Variants in PRKN observed in about 807,000 individuals in gnomAD.
PRKN encodes the protein parkin RBR E3 ubiquitin protein ligase.
PRKN carries 56 observed loss-of-function variants against 59.5 expected under a neutral mutation model. The ratio of observed to expected loss-of-function variants is 0.94; its 90% CI spans 0.76 to 1.18. PRKN has a LOEUF of 1.18. Among genes scored for constraint, PRKN ranks in the 50% most tolerant of loss-of-function variants. PRKN has a pLI of 0.00. For missense variants in PRKN, 657 were observed against 596.4 expected (o/e 1.10, Z -1.06); for synonymous variants, 250 against 222.1 (o/e 1.13, Z -1.12).
Position 161,350,037 on chromosome 6 carries a change from A to G in PRKN, c.*62T>C. ...GTGTGTTTGAAAAGAGAATTAGAAA[A>G]TGAAGGTAGACACTGGGTATGCTCC... On this transcript the variant is annotated 3_prime_UTR_variant, in exon 12 of 12. Coordinates refer to ENST00000366898, the MANE Select transcript of PRKN (RefSeq NM_004562.3). 1 of 1,033,868 alleles carries G rather than the reference A, an allele frequency of 9.7e-7. No homozygotes were observed. Among genetic ancestry groups the G allele is most frequent in the Non-Finnish European group, 1.5e-6 (1 of 663,022 alleles). 64.0% of individuals were successfully genotyped at this position (1,033,868 alleles called of 1,614,324 possible). A position where few individuals can be genotyped will look rare whatever the true frequency, so the allele number is the denominator to read the frequency against.
intron 7 of PRKN, among the ~76,000 whole-genome samples, chr6:161,731,903 A>G (rs1273446638): frequency 2.6e-5 from 4 of 152,128 alleles, no homozygotes; most frequent in Non-Finnish European, 4.4e-5. Context: ...AGAAAGGTGT[A>G]TGTTTCAGTA....
At chr6:162,721,883 T>C (rs948020572) in intron 1 of PRKN, among the ~76,000 whole-genome samples, 1 of 152,102 alleles carries the variant, frequency 6.6e-6, no homozygotes. Context: ...TGATGAACAG[T>C]AGTTTTGAGA....
intron 4 of PRKN, among the ~76,000 whole-genome samples, chr6:162,137,559 T>C (rs1168631403): frequency 6.6e-6 from 1 of 152,162 alleles, no homozygotes; most frequent in Non-Finnish European, 1.5e-5. Flanking sequence ...ACTGGGTAAA[T>C]TAGGAACAGA....
chr6:161,598,792 T>C (rs1782008218), intron 7 of PRKN, among the ~76,000 whole-genome samples: 1 of 152,196 alleles, frequency 6.6e-6, no homozygotes, highest in Non-Finnish European at 1.5e-5. Context: ...TTTCTTTGGA[T>C]GTTGGGTGGC....
At chr6:161,903,262 A>C (rs1441053453) in intron 6 of PRKN, among the ~76,000 whole-genome samples, 1 of 152,172 alleles carries the variant, frequency 6.6e-6, no homozygotes, top group Admixed American at 6.5e-5. Flanking sequence ...AGACACTGGT[A>C]GCTTGAAGCT....
chr6:162,102,796 C>T lies in PRKN; in HGVS notation c.535-48622G>A, dbSNP rs187375552. On this transcript the variant is annotated intron_variant, in intron 4 of 11. Coordinates refer to ENST00000366898, the MANE Select transcript of PRKN (RefSeq NM_004562.3). ...CGGTGGCTCACGCCTGTAATCCCAGCACTTTGGGAGGCCGAGGCAGGCGGA... is the reference window on the plus strand; with the variant it reads ...CGGTGGCTCACGCCTGTAATCCCAGTACTTTGGGAGGCCGAGGCAGGCGGA... Among the ~76,000 whole-genome samples the T allele has an allele frequency of 3.9e-3, 562 of 144,400 alleles. 5 individuals carry two copies. Among genetic ancestry groups the T allele is most frequent in the African/African-American group, 0.015 (519 of 34,092 alleles). 94.7% of individuals were successfully genotyped at this position (144,400 alleles called of 152,430 possible).
At chr6:161,904,472 C>T (rs932890346) in intron 6 of PRKN, among the ~76,000 whole-genome samples, 36 of 151,968 alleles carry the variant, frequency 2.4e-4, no homozygotes, top group African/African-American at 7.2e-4. Flanking sequence ...CCTGCCACCA[C>T]GCCCAGCTAA....
intron 3 of PRKN, among the ~76,000 whole-genome samples, chr6:162,232,335 G>A (rs527621286): frequency 6.6e-6 from 1 of 152,214 alleles, no homozygotes; most frequent in South Asian, 2.1e-4. Flanking sequence ...TCTTCTGCAG[G>A]GGCTGCCTTC....
At chr6:162,488,033 T>TG (rs1792629917) in intron 1 of PRKN, among the ~76,000 whole-genome samples, 2 of 133,522 alleles carry the variant, frequency 1.5e-5, no homozygotes, top group South Asian at 5.0e-4. Context: ...TTCCCTTTTT[T>TG]TTTTTTTTTT....
intron 4 of PRKN, among the ~76,000 whole-genome samples, chr6:162,088,612 A>G (rs943291714): frequency 5.3e-5 from 8 of 152,214 alleles, no homozygotes; most frequent in Non-Finnish European, 7.3e-5. Flanking sequence ...CAACAAATAG[A>G]TAACTTACAC....
At chr6:161,705,089 C>G (rs140852739) in intron 7 of PRKN, among the ~76,000 whole-genome samples, 3 of 152,232 alleles carry the variant, frequency 2.0e-5, no homozygotes, top group Non-Finnish European at 4.4e-5. Flanking sequence ...GTCATGCATC[C>G]CCTTATCCAA....
At chr6:161,482,328 C>T (rs1232866799) in intron 9 of PRKN, among the ~76,000 whole-genome samples, 3 of 152,158 alleles carry the variant, frequency 2.0e-5, no homozygotes, top group Non-Finnish European at 4.4e-5. Flanking sequence ...GAATATTTGT[C>T]AGCATGCCAG....
In PRKN at chr6:161,580,811, A is replaced by G. The variant is rs542091160; in HGVS notation, c.872-11395T>C. Among the ~76,000 whole-genome samples the G allele has an allele frequency of 2.6e-5, 4 of 152,154 alleles. No homozygotes were observed. In the East Asian group the frequency reaches 5.8e-4, roughly 22 times the overall value. On this transcript the variant is annotated intron_variant, in intron 7 of 11. Coordinates refer to ENST00000366898, the MANE Select transcript of PRKN (RefSeq NM_004562.3). ...TGTTTTAAGCAAGCACTTATCAACT[A>G]GAAAATGAAGCTCAATAGACACGGA...
intron 1 of PRKN, among the ~76,000 whole-genome samples, chr6:162,484,174 A>G (rs1440468947): frequency 6.6e-6 from 1 of 152,240 alleles, no homozygotes; most frequent in African/African-American, 2.4e-5. Context: ...GTCCCACTGT[A>G]AATCCTAGTG....
chr6:162,426,910 T>C (rs1011797877), intron 2 of PRKN, among the ~76,000 whole-genome samples: 3 of 152,204 alleles, frequency 2.0e-5, no homozygotes, highest in African/African-American at 7.2e-5. Flanking sequence ...AATAACAGCA[T>C]CAAAGTTAAG....
At chr6:162,583,862 T>C (rs547156842) in intron 1 of PRKN, among the ~76,000 whole-genome samples, 2 of 152,272 alleles carry the variant, frequency 1.3e-5, no homozygotes, top group African/African-American at 2.4e-5. Flanking sequence ...TCTGAAACCT[T>C]TGGAAATCTC....
At chr6:161,403,218 G>C (rs1181267670) in intron 9 of PRKN, among the ~76,000 whole-genome samples, 1 of 152,150 alleles carries the variant, frequency 6.6e-6, no homozygotes, top group Non-Finnish European at 1.5e-5. Context: ...CTGTAGGGTA[G>C]AATACTGCCC....
At chr6:162,501,502 C>T (rs1793369434) in intron 1 of PRKN, among the ~76,000 whole-genome samples, 1 of 147,982 alleles carries the variant, frequency 6.8e-6, no homozygotes, top group Admixed American at 6.9e-5. Context: ...CATGTGCCAC[C>T]ACGCCTGGTT....
In PRKN at chr6:162,010,825, TAC is replaced by T. The variant is rs1402178193; in HGVS notation, c.619-37410_619-37409del. On this transcript the variant is annotated intron_variant, in intron 5 of 11. Transcript: ENST00000366898. ...TATATATTATATAATGTATAATATA[TAC>T]AATATATTATATAATACATAATATT... is the stretch of plus-strand genomic sequence containing the variant. Among the ~76,000 whole-genome samples, 7 of 10,046 alleles carry T rather than the reference TAC, an allele frequency of 7.0e-4. No individual in the cohort carries two copies. In the African/African-American group the frequency reaches 7.2e-3, roughly 10 times the overall value. 6.6% of individuals were successfully genotyped at this position (10,046 alleles called of 152,430 possible). A position where few individuals can be genotyped will look rare whatever the true frequency, so the allele number is the denominator to read the frequency against.
Sources: allele counts gnomAD v4.1 joint callset (sites outside exome capture counted in the v4.1 genomes callset), GRCh38; gene constraint gnomAD v4.1.1; transcripts MANE v1.5; gene names NCBI Gene and HGNC (gene_info 2026-07-23, HGNC 2026-07-21).